NRCAM: variants seen among roughly 807,000 people sequenced by gnomAD.
The protein encoded by NRCAM is neuronal cell adhesion molecule.
Under a neutral mutation model 156.5 loss-of-function variants are expected in NRCAM, and 83 were observed. That is an observed-to-expected ratio of 0.53 (90% CI 0.44 to 0.64). NRCAM has a LOEUF of 0.64. Ranked by LOEUF, NRCAM falls within the 30% of genes least tolerant of loss-of-function variation. The pLI is 0.00. For missense variants in NRCAM, 1,417 were observed against 1,597.3 expected (o/e 0.89, Z 1.92); for synonymous variants, 538 against 563.9 (o/e 0.95, Z 0.65).
intron 3 of NRCAM, among the ~76,000 whole-genome samples, chr7:108,271,121 C>T (rs2300005): frequency 0.042 from 6,380 of 152,042 alleles, 181 homozygotes; most frequent in South Asian, 0.11. Flanking sequence ...ATGGTTAAAA[C>T]GATAAATTAT....
chr7:108,345,059 G>C (rs2099340230), intron 2 of NRCAM, among the ~76,000 whole-genome samples: 1 of 152,184 alleles, frequency 6.6e-6, no homozygotes. Context: ...AGGGGATAAA[G>C]AATGTGGGTC....
intron 2 of NRCAM, among the ~76,000 whole-genome samples, chr7:108,334,258 AGAACT>A (rs1373241569): frequency 6.6e-6 from 1 of 152,238 alleles, no homozygotes; most frequent in African/African-American, 2.4e-5. Flanking sequence ...TACATGCTGC[AGAACT>A]GGAAATTACC....
intron 32 of NRCAM, among the ~76,000 whole-genome samples, chr7:108,155,099 TATACACAC>T (rs1484827917): frequency 2.6e-4 from 23 of 89,990 alleles, no homozygotes; most frequent in Admixed American, 7.8e-4. Flanking sequence ...TATATATATA[TATACACAC>T]ACACACACAC....
intron 2 of NRCAM, among the ~76,000 whole-genome samples, chr7:108,317,001 A>C (rs1468525783): frequency 6.6e-6 from 1 of 152,152 alleles, no homozygotes; most frequent in Non-Finnish European, 1.5e-5. Flanking sequence ...CAGATGTTTA[A>C]AAAGAAAATG....
At chr7:108,173,806 T>C (rs550055555) in intron 28 of NRCAM, among the ~76,000 whole-genome samples, 6 of 152,198 alleles carry the variant, frequency 3.9e-5, no homozygotes, top group Non-Finnish European at 2.9e-5. Context: ...ATTAGTAACA[T>C]CAAATGGTAA....
intron 3 of NRCAM, among the ~76,000 whole-genome samples, chr7:108,273,681 G>A (rs1042278074): frequency 1.3e-5 from 2 of 151,932 alleles, no homozygotes; most frequent in African/African-American, 4.8e-5. Flanking sequence ...ATTTTCTCCC[G>A]TTCTGTAGGT....
chr7:108,428,897 G>C (rs539002038), intron 1 of NRCAM, among the ~76,000 whole-genome samples: 11 of 151,140 alleles, frequency 7.3e-5, no homozygotes, highest in African/African-American at 2.7e-4. Context: ...AAGAAAAAAA[G>C]TTTTTGGAAT....
At position 108,221,972 on chromosome 7, in the gene NRCAM, T is replaced by C. The variant is rs1465810282; in HGVS notation, c.890+1753A>G. Among the ~76,000 whole-genome samples the C allele has an allele frequency of 2.6e-5, 4 of 151,940 alleles. No homozygotes were observed. In the East Asian group the frequency reaches 7.7e-4, roughly 29 times the overall value. On this transcript the variant is annotated intron_variant, in intron 11 of 32. Coordinates refer to ENST00000379028, the MANE Select transcript of NRCAM (RefSeq NM_001037132.4). ...AAAAAAAAAGAAATGCAAGTGGTAT[T>C]AATTGATTATAATATTGGTTTGGCT...
chr7:108,269,263 ATTT>A (rs946592448), intron 3 of NRCAM, among the ~76,000 whole-genome samples: 12 of 152,056 alleles, frequency 7.9e-5, no homozygotes, highest in African/African-American at 2.9e-4. Flanking sequence ...AGCATTGCTG[ATTT>A]TTCCCTTTTG....
chr7:108,265,274 C>G (rs1240011513), intron 3 of NRCAM, among the ~76,000 whole-genome samples: 2 of 152,198 alleles, frequency 1.3e-5, no homozygotes, highest in Non-Finnish European at 2.9e-5. Flanking sequence ...GGGATACAGG[C>G]TAATGGAATA....
chr7:108,336,620 A>G (rs1382489611), intron 2 of NRCAM, among the ~76,000 whole-genome samples: 1 of 152,224 alleles, frequency 6.6e-6, no homozygotes, highest in Non-Finnish European at 1.5e-5. Flanking sequence ...AAAATGTTCT[A>G]AAAGATTTTA....
intron 26 of NRCAM, 59 bp from the exon 27 acceptor site, chr7:108,176,665 T>A: frequency 7.9e-7 from 1 of 1,260,512 alleles, no homozygotes; most frequent in Non-Finnish European, 1.1e-6. Context: ...GGAATACTAT[T>A]ATAAATAAAT....
chr7:108,360,342 G>T (rs950995740), intron 2 of NRCAM, among the ~76,000 whole-genome samples: 3 of 152,180 alleles, frequency 2.0e-5, no homozygotes, highest in Non-Finnish European at 4.4e-5. Flanking sequence ...TTAATTAACT[G>T]CTGAAAATTA....
At chr7:108,292,488 T>C (rs16872483) in intron 3 of NRCAM, among the ~76,000 whole-genome samples, 3,073 of 152,308 alleles carry the variant, frequency 0.02, 101 homozygotes, top group African/African-American at 0.071. Context: ...GTATGTTTTA[T>C]CCACAAAAGT....
At chr7:108,331,618 A>T (rs1157005059) in intron 2 of NRCAM, among the ~76,000 whole-genome samples, 1 of 152,202 alleles carries the variant, frequency 6.6e-6, no homozygotes, top group African/African-American at 2.4e-5. Context: ...TACTTACCTC[A>T]GTGCCTGGCA....
At chr7:108,390,536 T>C (rs952288022) in intron 2 of NRCAM, among the ~76,000 whole-genome samples, 7 of 152,330 alleles carry the variant, frequency 4.6e-5, no homozygotes, top group Admixed American at 2.6e-4. Flanking sequence ...CCTGGATGCA[T>C]TGATTTTTTG....
chr7:108,187,205 C>T (rs904484609), intron 20 of NRCAM, among the ~76,000 whole-genome samples: 2 of 152,146 alleles, frequency 1.3e-5, no homozygotes, highest in South Asian at 2.1e-4. Context: ...TCTGTTAAAA[C>T]CCTCCAAGGG....
At chr7:108,169,884 CAT>C (rs750828987) in intron 28 of NRCAM, among the ~76,000 whole-genome samples, 139 of 152,188 alleles carry the variant, frequency 9.1e-4, no homozygotes, top group Admixed American at 3.5e-3. Context: ...AAGGCAGAAA[CAT>C]AATACTTCTA....
At chr7:108,271,354 C>G (rs1232873131) in intron 3 of NRCAM, among the ~76,000 whole-genome samples, 1 of 152,306 alleles carries the variant, frequency 6.6e-6, no homozygotes, top group East Asian at 1.9e-4. Context: ...TCAAAACACA[C>G]TCCTACACTG....
Sources: gnomAD v4.1 joint callset for allele counts (sites outside exome capture counted in the v4.1 genomes callset) on GRCh38, gnomAD v4.1.1 for gene constraint, MANE v1.5 for transcripts, NCBI Gene and HGNC (gene_info 2026-07-23, HGNC 2026-07-21) for gene names.